Variants in PEMT observed in about 807,000 individuals in gnomAD.
The protein encoded by PEMT is phosphatidylethanolamine N-methyltransferase.
A neutral mutation model predicts 27.4 loss-of-function variants in PEMT; 23 were observed. That is an observed-to-expected ratio of 0.84 (90% CI 0.60 to 1.19). PEMT has a LOEUF of 1.19. PEMT is among the 50% of genes most tolerant of loss of function. PEMT has a pLI of 0.00. For missense variants in PEMT, 307 were observed against 310.1 expected, an observed-to-expected ratio of 0.99 and a Z score of 0.07; for synonymous variants, 137 against 139.1, an observed-to-expected ratio of 0.98 and a Z score of 0.11.
At chr17:17,567,773 G>T (rs1212804752) in intron 2 of PEMT, among the ~76,000 whole-genome samples, 2 of 152,240 alleles carry the variant, frequency 1.3e-5, no homozygotes, top group Non-Finnish European at 2.9e-5. Flanking sequence ...TCTCAGTCAG[G>T]CCTGATGAGC....
At chr17:17,535,138 G>C (rs1308358545) in intron 2 of PEMT, among the ~76,000 whole-genome samples, 1 of 151,946 alleles carries the variant, frequency 6.6e-6, no homozygotes, top group Non-Finnish European at 1.5e-5. Context: ...TCAAACTTCT[G>C]ACCTCAGGTG....
intron 2 of PEMT, among the ~76,000 whole-genome samples, chr17:17,524,914 C>G (rs1041296224): frequency 7.9e-5 from 12 of 152,174 alleles, no homozygotes; most frequent in African/African-American, 2.9e-4. Context: ...TCCAGACCAT[C>G]CTGGCTAACA....
chr17:17,530,948 C>A (rs893377393), intron 2 of PEMT, among the ~76,000 whole-genome samples: 2 of 149,946 alleles, frequency 1.3e-5, no homozygotes, highest in Non-Finnish European at 3.0e-5. Flanking sequence ...GAGGCTGAGG[C>A]AGGAGAATTG....
intron 1 of PEMT, chr17:17,577,393 G>A: frequency 2.3e-6 from 2 of 878,188 alleles, no homozygotes; most frequent in African/African-American, 3.5e-5. Flanking sequence ...TGAGATAAAT[G>A]TGAAGAGATG....
intron 1 of PEMT, among the ~76,000 whole-genome samples, chr17:17,584,450 C>T (rs1321205765): frequency 2.6e-5 from 4 of 152,176 alleles, no homozygotes; most frequent in African/African-American, 4.8e-5. Flanking sequence ...CGTGAGCCAC[C>T]GCACCCGGCC....
At chr17:17,584,096 G>C (rs972213396) in intron 1 of PEMT, among the ~76,000 whole-genome samples, 8 of 152,190 alleles carry the variant, frequency 5.3e-5, no homozygotes, top group African/African-American at 1.2e-4. Flanking sequence ...GGCCCTGCTC[G>C]CCTCCACGCT....
intron 2 of PEMT, among the ~76,000 whole-genome samples, chr17:17,557,257 G>A (rs1044429357): frequency 6.6e-6 from 1 of 152,142 alleles, no homozygotes; most frequent in Non-Finnish European, 1.5e-5. Flanking sequence ...CTCACGCAGG[G>A]ACACACCAGA....
At chr17:17,540,810 C>T (rs1379435146) in intron 2 of PEMT, among the ~76,000 whole-genome samples, 1 of 152,222 alleles carries the variant, frequency 6.6e-6, no homozygotes, top group South Asian at 2.1e-4. Context: ...GCACAGTGCC[C>T]ACTCATCACT....
chr17:17,566,970 C>A (rs1910868392), intron 2 of PEMT, among the ~76,000 whole-genome samples: 1 of 152,244 alleles, frequency 6.6e-6, no homozygotes, highest in Non-Finnish European at 1.5e-5. Flanking sequence ...CTACACCAAA[C>A]CCTACTGCCC....
intron 1 of PEMT, among the ~76,000 whole-genome samples, chr17:17,578,969 AT>A (rs1197378788): frequency 2.0e-5 from 3 of 152,244 alleles, no homozygotes; most frequent in Non-Finnish European, 2.9e-5. Flanking sequence ...AATAAAAAAA[AT>A]AAGTGTAAAG....
intron 3 of PEMT, among the ~76,000 whole-genome samples, chr17:17,517,282 G>A (rs1236348446): frequency 6.6e-6 from 1 of 152,224 alleles, no homozygotes; most frequent in Non-Finnish European, 1.5e-5. Flanking sequence ...AAGTGTGTGG[G>A]AATTTGTTAC....
At chr17:17,507,536 C>A in intron 5 of PEMT, 1 of 320,424 alleles carries the variant, frequency 3.1e-6, no homozygotes. Context: ...AGGCTCCAAC[C>A]CCAGGCCTGG....
At chr17:17,580,098 G>A (rs1449803728) in intron 1 of PEMT, among the ~76,000 whole-genome samples, 5 of 152,160 alleles carry the variant, frequency 3.3e-5, no homozygotes, top group Non-Finnish European at 5.9e-5. Flanking sequence ...GGGAAGGGAG[G>A]GGAGGGAAGG....
At chr17:17,509,355 G>GC in intron 5 of PEMT, 79 bp downstream of exon 5, 1 of 888,290 alleles carries the variant, frequency 1.1e-6, no homozygotes. Context: ...AGGGGCCCTG[G>GC]CCCCCGCGTC....
intron 1 of PEMT, 79 bp downstream of exon 1, chr17:17,591,452 A>T: frequency 1.9e-6 from 2 of 1,052,854 alleles, no homozygotes; most frequent in Non-Finnish European, 2.7e-6. Context: ...GCAGCGTTTG[A>T]GGCGCCGCAA....
At chr17:17,576,050 A>T (rs1287341791) in intron 2 of PEMT, among the ~76,000 whole-genome samples, 4 of 152,116 alleles carry the variant, frequency 2.6e-5, no homozygotes, top group African/African-American at 7.2e-5. Flanking sequence ...CAGGACGCTC[A>T]GGGCTCTGCA....
Position 17,512,452 on chromosome 17 carries a change from A to G in PEMT, c.466+57T>C. 1 of 1,422,110 alleles carries G rather than the reference A, an allele frequency of 7.0e-7. No individual in the cohort carries two copies. Among genetic ancestry groups the G allele is most frequent in the Non-Finnish European group, 9.3e-7 (1 of 1,074,508 alleles). 88.1% of individuals were successfully genotyped at this position (1,422,110 alleles called of 1,614,324 possible). A position where few individuals can be genotyped will look rare whatever the true frequency, so the allele number is the denominator to read the frequency against. On this transcript the variant is annotated intron_variant, in intron 4 of 6. Coordinates refer to ENST00000255389, the MANE Select transcript of PEMT (RefSeq NM_148172.3). The surrounding 1 kb of genome is among the most constrained non-coding windows in gnomAD (Gnocchi z 6.3). ...CAGGGCAGCAGCCACCTGGCCCTGC[A>G]CCTCCCTGGGGCTCCAGCGGTCCTG...
At chr17:17,525,064 G>A (rs891377785) in intron 2 of PEMT, among the ~76,000 whole-genome samples, 1 of 151,904 alleles carries the variant, frequency 6.6e-6, no homozygotes, top group Non-Finnish European at 1.5e-5. Flanking sequence ...CCGAGATCGC[G>A]CCACTGCACT....
At chr17:17,514,687 C>CA (rs1906681817) in intron 3 of PEMT, among the ~76,000 whole-genome samples, 1 of 152,264 alleles carries the variant, frequency 6.6e-6, no homozygotes, top group African/African-American at 2.4e-5. Flanking sequence ...GCCATGGAAT[C>CA]AGGTGGCCAC....
Sources: allele counts gnomAD v4.1 joint callset (sites outside exome capture counted in the v4.1 genomes callset), GRCh38; gene constraint gnomAD v4.1.1; non-coding constraint Gnocchi (gnomAD v3.1); transcripts MANE v1.5; gene names NCBI Gene and HGNC (gene_info 2026-07-23, HGNC 2026-07-21).